RBFOX1: variants seen among roughly 807,000 people sequenced by gnomAD.
The protein encoded by RBFOX1 is RNA binding protein fox-1 homolog 1.
A neutral mutation model predicts 57.7 loss-of-function variants in RBFOX1; 8 were observed. That is an observed-to-expected ratio of 0.14 (90% CI 0.08 to 0.25). The LOEUF is 0.25. Ranked by LOEUF, RBFOX1 falls within the 10% of genes least tolerant of loss-of-function variation. The pLI is 1.00. For missense variants in RBFOX1, 611 were observed against 548.5 expected, an observed-to-expected ratio of 1.11 and a Z score of -1.14; for synonymous variants, 326 against 222.4, an observed-to-expected ratio of 1.47 and a Z score of -4.15.
At chr16:5,823,172 T>C (rs148518675) in intron 3 of RBFOX1, among the ~76,000 whole-genome samples, 4 of 152,282 alleles carry the variant, frequency 2.6e-5, no homozygotes, top group African/African-American at 9.6e-5. Flanking sequence ...CCTGGGCACA[T>C]AGAGGGCAGT....
At position 5,976,277 on chromosome 16, in the gene RBFOX1, C is replaced by T. The variant is rs986365140; in HGVS notation, c.351+108942C>T. On this transcript the variant is annotated intron_variant, in intron 4 of 19. Transcript: ENST00000641259. ...TACAAGAAAACAACAGCAGCAACAA[C>T]AGAGTTCTGTGAGCACACGAGTTAG... 9.2e-5 allele frequency among the ~76,000 whole-genome samples: 14 copies of T among 152,200 alleles called. 1 individual carries two copies. The highest frequency in any genetic ancestry group is 3.4e-4 in the African/African-American group (14 of 41,448).
At chr16:6,914,416 G>A (rs2072555830) in intron 3 of RBFOX1, among the ~76,000 whole-genome samples, 1 of 152,134 alleles carries the variant, frequency 6.6e-6, no homozygotes, top group African/African-American at 2.4e-5. Context: ...GAGGAAGAGA[G>A]AAGAGAAAAG....
intron 3 of RBFOX1, among the ~76,000 whole-genome samples, chr16:5,810,498 A>T (rs2055383037): frequency 6.6e-6 from 1 of 152,144 alleles, no homozygotes; most frequent in Non-Finnish European, 1.5e-5. Context: ...AGCCCTAGCA[A>T]ACTAATACAC....
intron 4 of RBFOX1, among the ~76,000 whole-genome samples, chr16:7,125,015 G>T (rs780449798): frequency 6.6e-6 from 1 of 152,170 alleles, no homozygotes; most frequent in Non-Finnish European, 1.5e-5. Flanking sequence ...TTTACATATG[G>T]GAAGGAGGGG....
intron 4 of RBFOX1, among the ~76,000 whole-genome samples, chr16:7,417,631 T>C (rs2098496686): frequency 6.6e-6 from 1 of 151,906 alleles, no homozygotes; most frequent in African/African-American, 2.4e-5. Context: ...ACATCATAGC[T>C]CCATCACAAA....
intron 4 of RBFOX1, among the ~76,000 whole-genome samples, chr16:7,206,487 G>GCACA (rs61191143): frequency 1.6e-4 from 24 of 150,178 alleles, no homozygotes; most frequent in African/African-American, 3.4e-4. Flanking sequence ...ATATATATAT[G>GCACA]CACACACACA....
chr16:5,595,792 A>T (rs2047160812), intron 2 of RBFOX1, among the ~76,000 whole-genome samples: 1 of 152,168 alleles, frequency 6.6e-6, no homozygotes, highest in Middle Eastern at 3.2e-3. Flanking sequence ...GAAAATAGGG[A>T]CACACGGGAT....
At chr16:5,290,787 C>G (rs2063515103) in intron 1 of RBFOX1, among the ~76,000 whole-genome samples, 2 of 151,766 alleles carry the variant, frequency 1.3e-5, no homozygotes, top group Admixed American at 1.3e-4. Context: ...CAACCTCTGC[C>G]TCCCGAGTTC....
At chr16:6,678,212 C>G (rs759642293) in intron 3 of RBFOX1, among the ~76,000 whole-genome samples, 12 of 152,214 alleles carry the variant, frequency 7.9e-5, no homozygotes, top group Non-Finnish European at 1.3e-4. Flanking sequence ...CAGCCTCTGC[C>G]TCCTTGAGTT....
intron 3 of RBFOX1, among the ~76,000 whole-genome samples, chr16:6,826,338 C>T (rs2092134091): frequency 6.6e-6 from 1 of 152,082 alleles, no homozygotes; most frequent in Admixed American, 6.6e-5. Context: ...CATGGGGAGA[C>T]CCCCTTCTTA....
intron 1 of RBFOX1, among the ~76,000 whole-genome samples, chr16:6,081,486 C>T (rs143626648): frequency 6.6e-6 from 1 of 152,116 alleles, no homozygotes; most frequent in African/African-American, 2.4e-5. Flanking sequence ...TTTCTTCCTC[C>T]TCTTCCCCTT....
intron 4 of RBFOX1, among the ~76,000 whole-genome samples, chr16:7,355,823 A>C (rs2097205157): frequency 6.6e-6 from 1 of 152,186 alleles, no homozygotes; most frequent in Non-Finnish European, 1.5e-5. Context: ...GTTGGGTGAT[A>C]ATTTCTTTTC....
intron 3 of RBFOX1, among the ~76,000 whole-genome samples, chr16:7,007,761 G>A (rs2093386294): frequency 6.6e-6 from 1 of 152,148 alleles, no homozygotes; most frequent in African/African-American, 2.4e-5. Flanking sequence ...CCTACATGCA[G>A]GTCCTTAGAA....
intron 3 of RBFOX1, among the ~76,000 whole-genome samples, chr16:6,785,039 A>G (rs1014313584): frequency 2.0e-5 from 3 of 152,134 alleles, no homozygotes; most frequent in Non-Finnish European, 1.5e-5. Flanking sequence ...GAAAAAAAAT[A>G]GGCATTTAAC....
chr16:5,351,637 T>A, intron 1 of RBFOX1, among the ~76,000 whole-genome samples: 1 of 152,236 alleles, frequency 6.6e-6, no homozygotes, highest in East Asian at 1.9e-4. Flanking sequence ...TGCAATGTAC[T>A]CAATGCCTGT....
intron 4 of RBFOX1, among the ~76,000 whole-genome samples, chr16:7,505,108 A>G (rs1351037981): frequency 6.6e-6 from 1 of 151,714 alleles, no homozygotes; most frequent in Non-Finnish European, 1.5e-5. Context: ...GTACTACTAA[A>G]AATGAAGAGA....
At chr16:7,266,936 G>A (rs116756025) in intron 4 of RBFOX1, among the ~76,000 whole-genome samples, 133 of 152,176 alleles carry the variant, frequency 8.7e-4, no homozygotes, top group African/African-American at 3.2e-3. Flanking sequence ...CTGGAAGACT[G>A]AGCAATAGGG....
At chr16:6,533,977 G>T (rs1336938125) in intron 2 of RBFOX1, among the ~76,000 whole-genome samples, 2 of 152,114 alleles carry the variant, frequency 1.3e-5, no homozygotes, top group Non-Finnish European at 1.5e-5. Flanking sequence ...ATATATATGT[G>T]TGTATATATA....
At chr16:7,091,436 A>G (rs572085118) in intron 4 of RBFOX1, among the ~76,000 whole-genome samples, 9 of 152,120 alleles carry the variant, frequency 5.9e-5, no homozygotes, top group Non-Finnish European at 1.3e-4. Context: ...CAACAAGTCA[A>G]GTCAAGAATT....
Sources: gnomAD v4.1 joint callset for allele counts (sites outside exome capture counted in the v4.1 genomes callset) on GRCh38, gnomAD v4.1.1 for gene constraint, MANE v1.5 for transcripts, NCBI Gene and HGNC (gene_info 2026-07-23, HGNC 2026-07-21) for gene names.